The following PAX8 variants were observed in gnomAD, a reference collection of about 807,000 sequenced individuals.
PAX8 encodes paired box protein Pax-8.
A neutral mutation model predicts 52.4 loss-of-function variants in PAX8; 15 were observed. The observed-to-expected ratio is 0.29, with a 90% CI of 0.19 to 0.44. The LOEUF (loss-of-function observed/expected upper bound fraction) is 0.44. PAX8 is among the 20% of genes least tolerant of loss of function. PAX8 has a pLI of 1.00. For missense variants in PAX8, 554 were observed against 602.5 expected (o/e 0.92, Z 0.84); for synonymous variants, 284 against 249.7 (o/e 1.14, Z -1.29).
chr2:113,254,399 G>T (rs1483529287), intron 2 of PAX8, among the ~76,000 whole-genome samples: 1 of 152,144 alleles, frequency 6.6e-6, no homozygotes, highest in Non-Finnish European at 1.5e-5. Context: ...GTAATGGGGT[G>T]GGGGTGCAAG....
chr2:113,224,563 A>G (rs997715826), intron 10 of PAX8, among the ~76,000 whole-genome samples: 9 of 150,294 alleles, frequency 6.0e-5, no homozygotes, highest in Non-Finnish European at 1.0e-4. Context: ...AAAAAAAAAA[A>G]AAGGAAAGAT....
At chr2:113,251,430 C>G in intron 2 of PAX8, among the ~76,000 whole-genome samples, 1 of 151,150 alleles carries the variant, frequency 6.6e-6, no homozygotes, top group Non-Finnish European at 1.5e-5. Context: ...TAAGCAAAGA[C>G]TCTTTGTATG....
At chr2:113,264,972 G>A (rs1352971081) in intron 2 of PAX8, among the ~76,000 whole-genome samples, 2 of 152,232 alleles carry the variant, frequency 1.3e-5, no homozygotes, top group Non-Finnish European at 1.5e-5. Flanking sequence ...GGAGGTAGGA[G>A]AAAGTCTTCT....
At chr2:113,272,971 A>G (rs1440303137) in intron 2 of PAX8, 4 of 152,226 alleles carry the variant, frequency 2.6e-5, no homozygotes, top group African/African-American at 9.6e-5. Flanking sequence ...AGGTGGGCTC[A>G]TTCATTCCCC....
At chr2:113,277,603 G>A (rs1693913502) in intron 2 of PAX8, among the ~76,000 whole-genome samples, 1 of 152,200 alleles carries the variant, frequency 6.6e-6, no homozygotes, top group Non-Finnish European at 1.5e-5. Flanking sequence ...CTCGCTGCGC[G>A]CCGGGACGGC....
chr2:113,257,304 CTTG>C (rs1486619892), intron 2 of PAX8, among the ~76,000 whole-genome samples: 1 of 152,154 alleles, frequency 6.6e-6, no homozygotes, highest in African/African-American at 2.4e-5. Context: ...TGACTCCTAG[CTTG>C]TTATTGTTGC....
In PAX8 at chr2:113,218,619, T is replaced by C. The variant is rs893315047; in HGVS notation, c.1277-10A>G. The C allele has an allele frequency of 1.2e-5, 19 of 1,540,652 alleles. No homozygotes were observed. The highest frequency in any genetic ancestry group is 2.4e-5 in the East Asian group (1 of 41,002). ...TAATAATATGGGGAACCTGGACACATTAAAAAAAAATAACAACAACACTGC... is the reference window on the plus strand; with the variant it reads ...TAATAATATGGGGAACCTGGACACACTAAAAAAAAATAACAACAACACTGC... On this transcript the variant is annotated splice_polypyrimidine_tract_variant and intron_variant, in intron 11 of 11. Transcript: ENST00000429538.
chr2:113,256,540 A>G (rs1692260754), intron 2 of PAX8, among the ~76,000 whole-genome samples: 1 of 151,954 alleles, frequency 6.6e-6, no homozygotes, highest in Non-Finnish European at 1.5e-5. Context: ...CGGGTGGCCC[A>G]TTTATCAGTC....
rs770096915 is a variant in PAX8, at chr2:113,244,547, T to A, written c.269A>T (p.Glu90Val). ...CTGGCGTTTGTAGTCCCCAATCTTC[T>A]CCACCACCTTGGGGGTGGCCACCTT... is the stretch of plus-strand genomic sequence containing the variant. Reference protein sequence around the residue: ...KPKVATPKVVEKIGDYKRQNP... With the variant: ...KPKVATPKVVVKIGDYKRQNP... The change falls in exon 4 of 12, where the codon GAG (glutamate) becomes GTG (valine). Residue 90 changes from glutamate to valine, a missense_variant. By Grantham distance (121) the Glu-to-Val change is moderately radical. This residue lies in a region of PAX8 where 109 missense variants were observed against 192.7 expected (regional missense o/e 0.57). Transcript: ENST00000429538. 8.7e-6 allele frequency: 14 copies of A among 1,613,942 alleles called. No individual in the cohort carries two copies. The highest frequency in any genetic ancestry group is 1.1e-5 in the Non-Finnish European group (13 of 1,179,924).
In PAX8 at chr2:113,276,900, C is replaced by T. The variant is rs535077242; in HGVS notation, c.25+1470G>A. 1.7e-4 allele frequency among the ~76,000 whole-genome samples: 26 copies of T among 151,676 alleles called. 1 individual carries two copies. In the South Asian group the frequency reaches 3.1e-3, roughly 18 times the overall value. ...CCATTGCACCAGCTTGGCATGGGCACCGGGCACTGCACATTAGGCCTCAGG... is the reference window on the plus strand; with the variant it reads ...CCATTGCACCAGCTTGGCATGGGCATCGGGCACTGCACATTAGGCCTCAGG... On this transcript the variant is annotated intron_variant, in intron 2 of 11. Coordinates refer to ENST00000429538, the MANE Select transcript of PAX8 (RefSeq NM_003466.4).
intron 10 of PAX8, 64 bp from the exon 11 acceptor site, chr2:113,220,242 G>C (rs1314271089): frequency 7.7e-7 from 1 of 1,304,614 alleles, no homozygotes; most frequent in Non-Finnish European, 1.1e-6. Flanking sequence ...GCTGGGGTGT[G>C]GGAAGGTCTG....
At chr2:113,235,773 C>T (rs1690240439) in intron 8 of PAX8, 191 bp from the exon 9 acceptor site, 1 of 568,764 alleles carries the variant, frequency 1.8e-6, no homozygotes, top group South Asian at 2.2e-5. Context: ...AGCTAGACCT[C>T]CCTGCTGCGC....
At chr2:113,278,799 G>A in intron 1 of PAX8, 32 bp downstream of exon 1, 1 of 1,012,904 alleles carries the variant, frequency 9.9e-7, no homozygotes. Context: ...CTCACTGCTA[G>A]CCAGCTTCCA....
intron 2 of PAX8, among the ~76,000 whole-genome samples, chr2:113,263,031 G>C (rs1054743959): frequency 6.6e-6 from 1 of 152,240 alleles, no homozygotes; most frequent in African/African-American, 2.4e-5. Context: ...GCAGCCCCTG[G>C]AGGCTGCTCT....
At chr2:113,273,806 TA>T (rs1485731123) in intron 2 of PAX8, 1 of 152,196 alleles carries the variant, frequency 6.6e-6, no homozygotes, top group Non-Finnish European at 1.5e-5. Context: ...TCAATTTCAC[TA>T]ATAGTGAGGT....
chr2:113,269,645 A>G (rs1416967039), intron 2 of PAX8: 1 of 152,244 alleles, frequency 6.6e-6, no homozygotes, highest in Non-Finnish European at 1.5e-5. Context: ...TATCAGGCCA[A>G]AGCTGGATTA....
rs189775848 is a variant in PAX8 at position 113,245,888 on chromosome 2, G to T, written c.191+866C>A. On this transcript the variant is annotated intron_variant, in intron 3 of 11. Transcript: ENST00000429538. The stretch of plus-strand genomic sequence containing the variant: ...AGGGCTTTTCACGGTTCAAAGAACA[G>T]TCCAGGTCCCTTTACCTTGTCCAAC... 1.7e-3 allele frequency among the ~76,000 whole-genome samples: 253 copies of T among 152,312 alleles called. 1 individual carries two copies. Among genetic ancestry groups the T allele is most frequent in the African/African-American group, 5.9e-3 (246 of 41,562 alleles).
In PAX8 at chr2:113,242,748, G is replaced by A. The variant is rs565800366; in HGVS notation, c.420C>T (p.Phe140=). The A allele has an allele frequency of 4.3e-6, 7 of 1,613,866 alleles. No individual in the cohort carries two copies. In the Admixed American group the frequency reaches 5.0e-5, roughly 12 times the overall value. Residue 140 remains phenylalanine (F), a synonymous_variant, in exon 5 of 12, where the codon TTC becomes TTT. Coordinates refer to ENST00000429538, the MANE Select transcript of PAX8 (RefSeq NM_003466.4). The stretch of plus-strand genomic sequence containing the variant: ...CCACGCAGCTGTCCATAGGGAGGTT[G>A]AATGGTTGCTGCACTTTGGTCCGGA... ...RIIRTKVQQP[F]NLPMDSCVAT...
At position 113,216,977 on chromosome 2, in the gene PAX8, G is replaced by C. The variant is rs1042046750; in HGVS notation, c.*1556C>G. On this transcript the variant is annotated 3_prime_UTR_variant, in exon 12 of 12. Transcript: ENST00000429538. ...TCCATACTGTGCCTGGCACACAAGA[G>C]AGCCCAGTCTTCTCTCTCCCTTCAG... 8.7e-6 allele frequency: 2 copies of C among 231,160 alleles called. No individual in the cohort carries two copies. The highest frequency in any genetic ancestry group is 2.2e-5 in the African/African-American group (1 of 45,234). 14.3% of individuals were successfully genotyped at this position (231,160 alleles called of 1,614,324 possible). A position where few individuals can be genotyped will look rare whatever the true frequency, so the allele number is the denominator to read the frequency against.
Sources: allele counts gnomAD v4.1 joint callset (sites outside exome capture counted in the v4.1 genomes callset), GRCh38; gene constraint gnomAD v4.1.1; regional missense constraint gnomAD v4.1.1; transcripts MANE v1.5; gene names NCBI Gene and HGNC (gene_info 2026-07-23, HGNC 2026-07-21).